CELF4: variants seen among roughly 807,000 people sequenced by gnomAD.
CELF4 encodes CUGBP Elav-like family member 4.
CELF4 carries 18 observed loss-of-function variants against 59.9 expected under a neutral mutation model. That is an observed-to-expected ratio of 0.30 (90% CI 0.21 to 0.45). CELF4 has a LOEUF of 0.45. Among genes scored for constraint, CELF4 ranks in the 20% least tolerant of loss-of-function variants. The pLI, the probability that CELF4 is intolerant of heterozygous loss-of-function variation, is 1.00. For synonymous variants in CELF4, 261 were observed against 267.1 expected, an observed-to-expected ratio of 0.98 and a Z score of 0.22; for missense variants, 456 against 689.0, an observed-to-expected ratio of 0.66 and a Z score of 3.79.
chr18:37,537,303 G>A (rs889792452), intron 1 of CELF4, among the ~76,000 whole-genome samples: 2 of 152,120 alleles, frequency 1.3e-5, no homozygotes, highest in African/African-American at 4.8e-5. Context: ...TTTGGAGTTT[G>A]GGAAATCGCA....
chr18:37,283,226 G>A (rs562911204), intron 3 of CELF4, among the ~76,000 whole-genome samples: 14 of 151,794 alleles, frequency 9.2e-5, no homozygotes, highest in Admixed American at 6.6e-4. Flanking sequence ...CTACCCTGAG[G>A]TTGGAGCCAC....
intron 1 of CELF4, among the ~76,000 whole-genome samples, chr18:37,497,925 A>C (rs1337740386): frequency 6.6e-6 from 1 of 152,194 alleles, no homozygotes; most frequent in African/African-American, 2.4e-5. Context: ...AAGATTAAAG[A>C]CTTGCCCGAG....
At position 37,507,051 on chromosome 18, in the gene CELF4, G is replaced by C. The variant is rs1180467438; in HGVS notation, c.287-21444C>G. 2.0e-5 allele frequency among the ~76,000 whole-genome samples: 3 copies of C among 152,320 alleles called. No homozygotes were observed. The East Asian group carries it at 5.8e-4, about 29-fold the overall frequency. ...GTTGGCCTAAAGTCACAGTTGCCAGGAGGGTGTCTCAGGGTGTGACCCAGG... is the reference window on the plus strand; with the variant it reads ...GTTGGCCTAAAGTCACAGTTGCCAGCAGGGTGTCTCAGGGTGTGACCCAGG... On this transcript the variant is annotated intron_variant, in intron 1 of 12. Coordinates refer to ENST00000420428, the MANE Select transcript of CELF4 (RefSeq NM_020180.4).
chr18:37,300,483 C>A (rs1023690253), intron 3 of CELF4, among the ~76,000 whole-genome samples: 5 of 152,178 alleles, frequency 3.3e-5, no homozygotes, highest in African/African-American at 1.2e-4. Flanking sequence ...CCTCGGCCTC[C>A]CAAAGTGCTG....
intron 2 of CELF4, among the ~76,000 whole-genome samples, chr18:37,455,982 A>G (rs1478871147): frequency 6.6e-6 from 1 of 152,200 alleles, no homozygotes; most frequent in African/African-American, 2.4e-5. Flanking sequence ...CTCTAGCAGC[A>G]TGAAATGCAC....
At chr18:37,448,943 T>G (rs964325079) in intron 2 of CELF4, among the ~76,000 whole-genome samples, 3 of 152,206 alleles carry the variant, frequency 2.0e-5, no homozygotes, top group Non-Finnish European at 2.9e-5. Context: ...GACTGTTTGA[T>G]GCCAGCATGG....
chr18:37,266,400 A>C, intron 9 of CELF4, 133 bp downstream of exon 9: 1 of 939,042 alleles, frequency 1.1e-6, no homozygotes, highest in Admixed American at 2.1e-5. Context: ...CTGCCAGCAC[A>C]GCCCTCCCTC....
chr18:37,375,792 A>G (rs2098961829), intron 2 of CELF4, among the ~76,000 whole-genome samples: 1 of 151,462 alleles, frequency 6.6e-6, no homozygotes, highest in Non-Finnish European at 1.5e-5. Flanking sequence ...GCTACAGCCA[A>G]CTCCTCTACT....
At chr18:37,419,833 C>T (rs1167971571) in intron 2 of CELF4, among the ~76,000 whole-genome samples, 2 of 152,186 alleles carry the variant, frequency 1.3e-5, no homozygotes, top group African/African-American at 4.8e-5. Context: ...CCCATCTGCT[C>T]CTCAGGAGAC....
At chr18:37,410,642 G>A (rs923100651) in intron 2 of CELF4, among the ~76,000 whole-genome samples, 1 of 152,218 alleles carries the variant, frequency 6.6e-6, no homozygotes, top group African/African-American at 2.4e-5. Context: ...TGGGGTAGAC[G>A]GATGTGGCAT....
At chr18:37,414,243 TATCC>T (rs1366599153) in intron 2 of CELF4, among the ~76,000 whole-genome samples, 1 of 126,060 alleles carries the variant, frequency 7.9e-6, no homozygotes, top group African/African-American at 2.9e-5. Context: ...TCTATCTATC[TATCC>T]ATCCATTCAT....
intron 9 of CELF4, chr18:37,266,234 G>C (rs2077472098): frequency 1.9e-6 from 1 of 525,028 alleles, no homozygotes; most frequent in Non-Finnish European, 3.4e-6. Flanking sequence ...GGCCCTGGAA[G>C]CTCCATGGGG....
intron 1 of CELF4, among the ~76,000 whole-genome samples, chr18:37,554,019 G>A (rs1433936692): frequency 6.6e-6 from 1 of 152,218 alleles, no homozygotes; most frequent in African/African-American, 2.4e-5. Flanking sequence ...TCTAGCTTCT[G>A]GGCTCTCTGC....
intron 2 of CELF4, among the ~76,000 whole-genome samples, chr18:37,338,929 T>C (rs753335230): frequency 6.6e-6 from 1 of 152,094 alleles, no homozygotes; most frequent in Non-Finnish European, 1.5e-5. Context: ...GACAATGCCC[T>C]GAACCCCCAC....
intron 2 of CELF4, among the ~76,000 whole-genome samples, chr18:37,352,525 C>T (rs552363932): frequency 2.0e-5 from 3 of 151,558 alleles, no homozygotes; most frequent in South Asian, 2.1e-4. Context: ...GCCAGGAGTT[C>T]GAGACTGCAG....
At chr18:37,352,673 T>C (rs761176050) in intron 2 of CELF4, among the ~76,000 whole-genome samples, 1 of 152,158 alleles carries the variant, frequency 6.6e-6, no homozygotes, top group African/African-American at 2.4e-5. Context: ...AGAGCTGGTG[T>C]TCCCTTCATC....
intron 2 of CELF4, among the ~76,000 whole-genome samples, chr18:37,352,936 T>C (rs137905759): frequency 7.1e-4 from 108 of 152,118 alleles, no homozygotes; most frequent in African/African-American, 2.5e-3. Context: ...AAGAACCCTT[T>C]CTTGGCCGGG....
intron 1 of CELF4, among the ~76,000 whole-genome samples, chr18:37,496,880 G>T (rs371620387): frequency 6.6e-6 from 1 of 152,128 alleles, no homozygotes; most frequent in South Asian, 2.1e-4. Flanking sequence ...TGACTGGGAC[G>T]CCAGCCTCAA....
At chr18:37,306,928 C>A (rs1230123818) in intron 3 of CELF4, among the ~76,000 whole-genome samples, 1 of 152,182 alleles carries the variant, frequency 6.6e-6, no homozygotes, top group Non-Finnish European at 1.5e-5. Flanking sequence ...AGGACAGCAT[C>A]GCTTCATTTC....
Sources: gnomAD v4.1 joint callset for allele counts (sites outside exome capture counted in the v4.1 genomes callset) on GRCh38, gnomAD v4.1.1 for gene constraint, MANE v1.5 for transcripts, NCBI Gene and HGNC (gene_info 2026-07-23, HGNC 2026-07-21) for gene names.